ULK4: variants seen among roughly 807,000 people sequenced by gnomAD.
The protein encoded by ULK4 is inactive serine/threonine-protein kinase ULK4.
A neutral mutation model predicts 160.6 loss-of-function variants in ULK4; 133 were observed. The ratio of observed to expected loss-of-function variants is 0.83; its 90% CI spans 0.72 to 0.96. The LOEUF is 0.96. ULK4 is among the 40% of genes least tolerant of loss of function. ULK4 has a pLI of 0.00. For missense variants in ULK4, 1,580 were observed against 1,499.5 expected (o/e 1.05, Z -0.89); for synonymous variants, 534 against 539.8 (o/e 0.99, Z 0.15).
chr3:41,824,972 G>A (rs985586289), intron 18 of ULK4, among the ~76,000 whole-genome samples: 7 of 152,174 alleles, frequency 4.6e-5, no homozygotes, highest in Non-Finnish European at 7.3e-5. Flanking sequence ...AAAACTTCCA[G>A]AGGAACAATC....
intron 29 of ULK4, among the ~76,000 whole-genome samples, chr3:41,671,825 GAGGGGAACTAATATCC>G (rs1368673563): frequency 6.6e-6 from 1 of 151,932 alleles, no homozygotes; most frequent in Non-Finnish European, 1.5e-5. Context: ...ACACAACCAA[GAGGGGAACTAATATCC>G]AGAATATATA....
intron 16 of ULK4, among the ~76,000 whole-genome samples, chr3:41,895,223 A>C (rs1698113615): frequency 6.6e-6 from 1 of 152,224 alleles, no homozygotes; most frequent in Non-Finnish European, 1.5e-5. Flanking sequence ...CAGCCTGTGC[A>C]ACATAGTGAG....
At chr3:41,874,697 G>A (rs751146103) in intron 17 of ULK4, among the ~76,000 whole-genome samples, 3 of 152,128 alleles carry the variant, frequency 2.0e-5, no homozygotes, top group Non-Finnish European at 2.9e-5. Context: ...ATGGACACTG[G>A]AGACTCACAA....
intron 31 of ULK4, among the ~76,000 whole-genome samples, chr3:41,579,714 G>C (rs1039824735): frequency 2.0e-5 from 3 of 151,856 alleles, no homozygotes; most frequent in Non-Finnish European, 4.4e-5. Flanking sequence ...GGATGGTCTC[G>C]ATCTCCTGAC....
chr3:41,390,123 C>A (rs1469006014), intron 35 of ULK4, among the ~76,000 whole-genome samples: 1 of 152,004 alleles, frequency 6.6e-6, no homozygotes, highest in Non-Finnish European at 1.5e-5. Flanking sequence ...TCGAGGAATT[C>A]ATCCATTTCT....
chr3:41,598,291 A>G (rs774717538), intron 31 of ULK4, among the ~76,000 whole-genome samples: 6 of 139,918 alleles, frequency 4.3e-5, no homozygotes, highest in Non-Finnish European at 8.0e-5. Flanking sequence ...ACCCTCTAAA[A>G]TAATGTCTAA....
At chr3:41,282,477 G>A (rs1374808841) in intron 35 of ULK4, among the ~76,000 whole-genome samples, 1 of 152,082 alleles carries the variant, frequency 6.6e-6, no homozygotes, top group Admixed American at 6.6e-5. Flanking sequence ...ACAGAACAGA[G>A]GCCTCAGAAA....
intron 2 of ULK4, among the ~76,000 whole-genome samples, chr3:41,950,241 C>G (rs1352783494): frequency 1.3e-5 from 2 of 151,780 alleles, no homozygotes; most frequent in African/African-American, 4.8e-5. Flanking sequence ...TGCATGCCAC[C>G]ACCCCCGGCT....
intron 17 of ULK4, among the ~76,000 whole-genome samples, chr3:41,839,960 C>A (rs1170389449): frequency 2.0e-5 from 3 of 152,104 alleles, no homozygotes; most frequent in Non-Finnish European, 4.4e-5. Context: ...AGACTATGTT[C>A]ATAGATAGGA....
At chr3:41,315,756 C>T (rs895870830) in intron 35 of ULK4, among the ~76,000 whole-genome samples, 19 of 152,074 alleles carry the variant, frequency 1.2e-4, no homozygotes, top group Non-Finnish European at 1.8e-4. Context: ...AGAAGATGTA[C>T]GAGTGGCCAA....
chr3:41,495,187 G>C (rs1162021309), intron 32 of ULK4, among the ~76,000 whole-genome samples: 1 of 151,830 alleles, frequency 6.6e-6, no homozygotes, highest in Admixed American at 6.6e-5. Flanking sequence ...ACTATACAAG[G>C]CTACAGTAAC....
chr3:41,379,813 A>T (rs1439088814), intron 35 of ULK4, among the ~76,000 whole-genome samples: 9 of 152,212 alleles, frequency 5.9e-5, no homozygotes, highest in Non-Finnish European at 1.2e-4. Flanking sequence ...GCAAATTCTT[A>T]AGAAGAAACT....
At chr3:41,887,214 C>T (rs952543272) in intron 16 of ULK4, among the ~76,000 whole-genome samples, 1 of 152,166 alleles carries the variant, frequency 6.6e-6, no homozygotes, top group African/African-American at 2.4e-5. Flanking sequence ...CTTTCTTATG[C>T]CTGGTAGGCA....
intron 35 of ULK4, among the ~76,000 whole-genome samples, chr3:41,379,326 A>G (rs1280799867): frequency 6.6e-6 from 1 of 152,222 alleles, no homozygotes; most frequent in African/African-American, 2.4e-5. Context: ...TAAATTGGAA[A>G]TGGAGGCAGA....
At chr3:41,440,784 C>T (rs541448536) in intron 34 of ULK4, among the ~76,000 whole-genome samples, 1 of 152,138 alleles carries the variant, frequency 6.6e-6, no homozygotes, top group South Asian at 2.1e-4. Context: ...TGGAGGCTTC[C>T]TTATGGAAAC....
intron 35 of ULK4, among the ~76,000 whole-genome samples, chr3:41,360,709 T>C (rs1355988693): frequency 6.6e-6 from 1 of 152,132 alleles, no homozygotes; most frequent in Non-Finnish European, 1.5e-5. Flanking sequence ...AGTGGGAGCC[T>C]GAACGATGAG....
chr3:41,490,567 T>C (rs1202202825), intron 32 of ULK4, among the ~76,000 whole-genome samples: 1 of 152,200 alleles, frequency 6.6e-6, no homozygotes, highest in African/African-American at 2.4e-5. Context: ...TGCAATATCA[T>C]CATATACTGC....
At chr3:41,794,948 A>ACAC (rs765948768) in intron 20 of ULK4, among the ~76,000 whole-genome samples, 1 of 152,162 alleles carries the variant, frequency 6.6e-6, no homozygotes, top group Non-Finnish European at 1.5e-5. Context: ...GACAGAGTGA[A>ACAC]GGAGGGAAGG....
At chr3:41,849,618 G>C (rs1450707083) in intron 17 of ULK4, among the ~76,000 whole-genome samples, 2 of 152,146 alleles carry the variant, frequency 1.3e-5, no homozygotes. Context: ...ATAACACCAA[G>C]AGCAAAGCAT....
Sources: allele counts gnomAD v4.1 joint callset (sites outside exome capture counted in the v4.1 genomes callset), GRCh38; gene constraint gnomAD v4.1.1; transcripts MANE v1.5; gene names NCBI Gene and HGNC (gene_info 2026-07-23, HGNC 2026-07-21).